CPNE8: variants seen among roughly 807,000 people sequenced by gnomAD.
CPNE8 encodes the protein copine 8.
In CPNE8, 45 loss-of-function variants were observed where a neutral mutation model predicts 81.5. The ratio of observed to expected loss-of-function variants is 0.55; its 90% CI spans 0.44 to 0.71. The LOEUF (loss-of-function observed/expected upper bound fraction) is 0.71. CPNE8 is among the 30% of genes least tolerant of loss of function. The pLI, the probability that CPNE8 is intolerant of heterozygous loss-of-function variation, is 0.00. For synonymous variants in CPNE8, 252 were observed against 226.3 expected, an observed-to-expected ratio of 1.11 and a Z score of -1.02; for missense variants, 594 against 672.1, an observed-to-expected ratio of 0.88 and a Z score of 1.28.
intron 10 of CPNE8, among the ~76,000 whole-genome samples, chr12:38,733,124 A>G (rs1455831442): frequency 1.3e-5 from 2 of 151,986 alleles, no homozygotes; most frequent in African/African-American, 2.4e-5. Flanking sequence ...AACCCAAGCT[A>G]TAAGATGCAT....
Position 38,653,628 on chromosome 12 carries a change from A to AAAAAAAAAAAAAT in CPNE8, c.*253_*254insATTTTTTTTTTTT. ...TTAGCTGTTTCTGTTAAAAAAAAAA[A>AAAAAAAAAAAAAT]GAAAGAAAGATTTAGAGAAGACATC... On this transcript the variant is annotated 3_prime_UTR_variant, in exon 20 of 20. Coordinates refer to ENST00000331366, the MANE Select transcript of CPNE8 (RefSeq NM_153634.3). The AAAAAAAAAAAAAT allele has an allele frequency of 3.4e-6, 1 of 294,234 alleles. No homozygotes were observed. Among genetic ancestry groups the AAAAAAAAAAAAAT allele is most frequent in the Non-Finnish European group, 6.4e-6 (1 of 156,966 alleles). The allele number at this position is 294,234 out of a possible 1,614,324, so 18.2% of individuals were successfully genotyped here.
At chr12:38,878,628 C>T (rs1944101438) in intron 1 of CPNE8, among the ~76,000 whole-genome samples, 1 of 152,180 alleles carries the variant, frequency 6.6e-6, no homozygotes, top group South Asian at 2.1e-4. Context: ...ATGAATATCA[C>T]AGTTGTCTTT....
intron 6 of CPNE8, among the ~76,000 whole-genome samples, chr12:38,828,968 C>G (rs901549928): frequency 2.0e-5 from 3 of 152,080 alleles, no homozygotes. Context: ...TCTCTACAAG[C>G]CACTTCCATG....
chr12:38,789,174 A>C (rs1942267689), intron 6 of CPNE8, among the ~76,000 whole-genome samples: 1 of 152,026 alleles, frequency 6.6e-6, no homozygotes, highest in Non-Finnish European at 1.5e-5. Context: ...ACAAAACTGG[A>C]GAAATTACAT....
chr12:38,845,704 T>C (rs1164086863), intron 4 of CPNE8, among the ~76,000 whole-genome samples: 2 of 152,100 alleles, frequency 1.3e-5, no homozygotes, highest in Admixed American at 6.6e-5. Context: ...ATAATAATAA[T>C]AAGCCTGTTC....
At chr12:38,803,048 A>G (rs1483314098) in intron 6 of CPNE8, among the ~76,000 whole-genome samples, 2 of 65,954 alleles carry the variant, frequency 3.0e-5, no homozygotes, top group Non-Finnish European at 6.0e-5. Context: ...CCAGGACCAG[A>G]TGGATTCACA....
At chr12:38,767,793 C>G in intron 7 of CPNE8, 55 bp from the exon 8 acceptor site, 2 of 1,060,512 alleles carry the variant, frequency 1.9e-6, no homozygotes, top group African/African-American at 1.7e-5. Flanking sequence ...TAACTAGAAA[C>G]TGCAGATCAG....
intron 6 of CPNE8, among the ~76,000 whole-genome samples, chr12:38,784,398 A>G (rs1342750436): frequency 6.6e-6 from 1 of 152,184 alleles, no homozygotes; most frequent in East Asian, 1.9e-4. Flanking sequence ...GGCAAATCTA[A>G]AAGCTACTGG....
intron 17 of CPNE8, 119 bp downstream of exon 17, chr12:38,677,333 A>G (rs1939311536): frequency 1.6e-6 from 1 of 634,020 alleles, no homozygotes; most frequent in South Asian, 1.9e-5. Flanking sequence ...TTAAGGATGC[A>G]ATCTGCTGCA....
chr12:38,827,380 A>G (rs1943216484), intron 6 of CPNE8, among the ~76,000 whole-genome samples: 1 of 152,160 alleles, frequency 6.6e-6, no homozygotes, highest in South Asian at 2.1e-4. Context: ...GTGGAAATGT[A>G]AATTAGTTCA....
chr12:38,878,464 T>C (rs1328290161), intron 1 of CPNE8, among the ~76,000 whole-genome samples: 1 of 152,206 alleles, frequency 6.6e-6, no homozygotes, highest in Admixed American at 6.5e-5. Context: ...TACTCAATTC[T>C]CATGCATATT....
At chr12:38,733,753 T>C (rs911827317) in intron 10 of CPNE8, among the ~76,000 whole-genome samples, 1 of 151,974 alleles carries the variant, frequency 6.6e-6, no homozygotes, top group Non-Finnish European at 1.5e-5. Context: ...AATTGATTAC[T>C]ACTGTAGCTA....
intron 5 of CPNE8, among the ~76,000 whole-genome samples, chr12:38,838,855 T>C (rs1943425102): frequency 6.6e-6 from 1 of 152,144 alleles, no homozygotes; most frequent in Admixed American, 6.6e-5. Context: ...TACGTATCCA[T>C]GCTCCCAGAT....
intron 6 of CPNE8, among the ~76,000 whole-genome samples, chr12:38,777,334 TATTTTTG>T (rs1430816801): frequency 6.6e-6 from 1 of 151,984 alleles, no homozygotes; most frequent in Non-Finnish European, 1.5e-5. Context: ...AGAAAGGAAA[TATTTTTG>T]TACAGCTGTG....
At chr12:38,875,727 G>C (rs1223242086) in intron 1 of CPNE8, among the ~76,000 whole-genome samples, 1 of 152,102 alleles carries the variant, frequency 6.6e-6, no homozygotes, top group Non-Finnish European at 1.5e-5. Flanking sequence ...ATCATGTCTT[G>C]AAATATTCCT....
intron 8 of CPNE8, among the ~76,000 whole-genome samples, chr12:38,764,835 A>C (rs967709505): frequency 6.6e-6 from 1 of 152,108 alleles, no homozygotes; most frequent in African/African-American, 2.4e-5. Flanking sequence ...AGATAGCTAA[A>C]TAGATGATAT....
intron 15 of CPNE8, among the ~76,000 whole-genome samples, chr12:38,693,304 C>T (rs535524411): frequency 1.1e-3 from 165 of 152,156 alleles, no homozygotes; most frequent in African/African-American, 3.6e-3. Flanking sequence ...AGCAAAAATG[C>T]GCTGTCTCCC....
Position 38,839,971 on chromosome 12 carries a change from A to AT in CPNE8, c.291-17dup, listed in dbSNP as rs1336279336. The AT allele has an allele frequency of 2.6e-6, 4 of 1,566,196 alleles. No individual in the cohort carries two copies. Among genetic ancestry groups the AT allele is most frequent in the Middle Eastern group, 1.7e-4 (1 of 5,884 alleles). ...AACATCATACCTAAAAGATTGAAATATAAAACTCAAATTATTTCCACAAAA... is the reference window on the plus strand; with the variant it reads ...AACATCATACCTAAAAGATTGAAATATTAAAACTCAAATTATTTCCACAAAA... On this transcript the variant is annotated splice_polypyrimidine_tract_variant and intron_variant, in intron 4 of 19. Coordinates refer to ENST00000331366, the MANE Select transcript of CPNE8 (RefSeq NM_153634.3).
chr12:38,834,161 T>C (rs1346802223), intron 5 of CPNE8, among the ~76,000 whole-genome samples: 1 of 152,186 alleles, frequency 6.6e-6, no homozygotes, highest in Non-Finnish European at 1.5e-5. Context: ...TTCTAGCTAC[T>C]CTTCTTCCCT....
Sources: gnomAD v4.1 joint callset for allele counts (sites outside exome capture counted in the v4.1 genomes callset) on GRCh38, gnomAD v4.1.1 for gene constraint, MANE v1.5 for transcripts, NCBI Gene and HGNC (gene_info 2026-07-23, HGNC 2026-07-21) for gene names.